Variants in ACLY observed in about 807,000 individuals in gnomAD.
ACLY encodes ATP-citrate synthase.
Under a neutral mutation model 133.0 loss-of-function variants are expected in ACLY, and 41 were observed. The ratio of observed to expected loss-of-function variants is 0.31; its 90% confidence interval spans 0.24 to 0.40. The LOEUF (loss-of-function observed/expected upper bound fraction) is 0.40. Ranked by LOEUF, ACLY falls within the 10% of genes least tolerant of loss-of-function variation. The pLI is 1.00. For synonymous variants in ACLY, 495 were observed against 549.3 expected (o/e 0.90, Z 1.38); for missense variants, 1,046 against 1,453.8 (o/e 0.72, Z 4.56).
intron 10 of ACLY, among the ~76,000 whole-genome samples, chr17:41,903,681 G>A (rs886657233): frequency 8.9e-5 from 12 of 135,508 alleles, no homozygotes; most frequent in East Asian, 4.5e-4. Flanking sequence ...GCATGAATCC[G>A]GGAGGCGGAG....
chr17:41,878,294 G>A, intron 21 of ACLY, 98 bp from the exon 22 acceptor site: 1 of 740,214 alleles, frequency 1.4e-6, no homozygotes. Context: ...AACACTGTAG[G>A]TTTCTTAGTT....
In ACLY at chr17:41,910,206, G is replaced by A; in HGVS notation, c.345+16C>T. ...CAGGAGGGAGAAGACCCAGCCTGGAGCCGCCTCACACATACCTGACTGTGG... is the reference window on the plus strand; with the variant it reads ...CAGGAGGGAGAAGACCCAGCCTGGAACCGCCTCACACATACCTGACTGTGG... On this transcript the variant is annotated intron_variant, in intron 4 of 28. Transcript: ENST00000352035. The A allele has an allele frequency of 6.2e-7, 1 of 1,612,160 alleles. No homozygotes were observed. Among genetic ancestry groups the A allele is most frequent in the Non-Finnish European group, 8.5e-7 (1 of 1,179,042 alleles).
chr17:41,890,969 C>T (rs1316879383), intron 16 of ACLY, among the ~76,000 whole-genome samples: 1 of 138,342 alleles, frequency 7.2e-6, no homozygotes, highest in East Asian at 2.1e-4. Flanking sequence ...GGCCCTGTCT[C>T]AAAAAAAAAA....
At chr17:41,868,642 AGT>A in intron 28 of ACLY, 65 bp downstream of exon 28, 1 of 1,127,336 alleles carries the variant, frequency 8.9e-7, no homozygotes, top group African/African-American at 1.6e-5. Context: ...CAACCCCATG[AGT>A]AAGTGGTGTA....
intron 20 of ACLY, among the ~76,000 whole-genome samples, chr17:41,880,407 T>G (rs1413722453): frequency 6.6e-6 from 1 of 152,182 alleles, no homozygotes; most frequent in Non-Finnish European, 1.5e-5. Flanking sequence ...AAGCGTGAGT[T>G]CCCAATGCGT....
chr17:41,908,387 G>A (rs1229579802), intron 6 of ACLY, among the ~76,000 whole-genome samples: 2 of 152,248 alleles, frequency 1.3e-5, no homozygotes, highest in Non-Finnish European at 2.9e-5. Context: ...GCCAAAGGGT[G>A]AGAGCAGTGC....
chr17:41,868,524 AGAAAG>A (rs1238578365), intron 28 of ACLY, among the ~76,000 whole-genome samples, 180 bp downstream of exon 28: 3 of 151,632 alleles, frequency 2.0e-5, no homozygotes, highest in Middle Eastern at 3.4e-3. Context: ...GGTTAAAGTA[AGAAAG>A]GAAAGATTAA....
At chr17:41,874,552 C>A (rs538407923) in intron 22 of ACLY, among the ~76,000 whole-genome samples, 1 of 150,464 alleles carries the variant, frequency 6.6e-6, no homozygotes, top group South Asian at 2.1e-4. Context: ...GGATTACAGG[C>A]GTGAGACCCA....
chr17:41,868,522 T>A (rs1010731799), intron 28 of ACLY, among the ~76,000 whole-genome samples, 187 bp downstream of exon 28: 8 of 130,980 alleles, frequency 6.1e-5, no homozygotes, highest in Non-Finnish European at 1.1e-4. Context: ...AAGGTTAAAG[T>A]AAGAAAGGAA....
At chr17:41,895,266 T>C (rs1484554659) in intron 14 of ACLY, among the ~76,000 whole-genome samples, 1 of 152,210 alleles carries the variant, frequency 6.6e-6, no homozygotes, top group Non-Finnish European at 1.5e-5. Context: ...GCCTGCATCA[T>C]GTCACCCCCG....
At chr17:41,876,330 G>T (rs1479286105) in intron 22 of ACLY, among the ~76,000 whole-genome samples, 1 of 151,158 alleles carries the variant, frequency 6.6e-6, no homozygotes, top group Non-Finnish European at 1.5e-5. Context: ...CCCCGTCCGG[G>T]AGGTGAGGGG....
chr17:41,867,758 T>C lies in ACLY; in HGVS notation c.*52A>G. 3 of 1,464,020 alleles carry C rather than the reference T, an allele frequency of 2.0e-6. No individual in the cohort carries two copies. Among genetic ancestry groups the C allele is most frequent in the East Asian group, 2.4e-5 (1 of 42,342 alleles). 90.7% of individuals were successfully genotyped at this position (1,464,020 alleles called of 1,614,324 possible). On this transcript the variant is annotated 3_prime_UTR_variant, in exon 29 of 29. Coordinates refer to ENST00000352035, the MANE Select transcript of ACLY (RefSeq NM_001096.3). ...CTGCCAGCTGTCTGTACACTTTTTC[T>C]TGGGGGAAGAGATCTTGTCTTCAGT...
At chr17:41,910,411 T>C (rs1462014790) in intron 3 of ACLY, 127 bp from the exon 4 acceptor site, 2 of 780,092 alleles carry the variant, frequency 2.6e-6, no homozygotes, top group Non-Finnish European at 2.1e-6. Context: ...GAGAGATTTT[T>C]CCAGAAAAAA....
intron 4 of ACLY, 98 bp downstream of exon 4, chr17:41,910,124 A>G (rs1317946516): frequency 5.6e-6 from 7 of 1,249,558 alleles, no homozygotes; most frequent in African/African-American, 1.5e-5. Flanking sequence ...GGTCCCTCTG[A>G]CTGTCCTCAT....
At chr17:41,889,435 C>T (rs531098064) in intron 16 of ACLY, among the ~76,000 whole-genome samples, 2 of 144,738 alleles carry the variant, frequency 1.4e-5, no homozygotes, top group African/African-American at 2.6e-5. Flanking sequence ...AGGAGAATTG[C>T]TTGAACCCGG....
At chr17:41,869,833 G>A (rs1220377244) in intron 25 of ACLY, among the ~76,000 whole-genome samples, 3 of 152,172 alleles carry the variant, frequency 2.0e-5, no homozygotes, top group Non-Finnish European at 4.4e-5. Flanking sequence ...TTGCAAAGAA[G>A]AAACTGAGCC....
intron 7 of ACLY, among the ~76,000 whole-genome samples, chr17:41,907,172 A>C (rs2144383830): frequency 6.6e-6 from 1 of 152,282 alleles, no homozygotes; most frequent in South Asian, 2.1e-4. Flanking sequence ...AAGGCGAGAC[A>C]CTTGGAATCA....
intron 18 of ACLY, 43 bp downstream of exon 18, chr17:41,886,069 C>T: frequency 6.3e-7 from 1 of 1,588,734 alleles, no homozygotes; most frequent in Non-Finnish European, 8.6e-7. Flanking sequence ...TAGCCCACTG[C>T]TCTCAAAGCA....
In ACLY at chr17:41,909,653, G is replaced by A. The variant is rs370436725; in HGVS notation, c.393C>T (p.Tyr131=). 30 of 1,614,048 alleles carry A rather than the reference G, an allele frequency of 1.9e-5. No individual in the cohort carries two copies. Among genetic ancestry groups the A allele is most frequent in the Non-Finnish European group, 2.3e-5 (27 of 1,180,034 alleles). The change falls in exon 5 of 29, where the codon TAC becomes TAT. Residue 131 remains tyrosine (Y), a synonymous_variant. Transcript: ENST00000352035. ...VCIYATREGD[Y]VLFHHEGGVD... is the part of the protein sequence containing the mutation. ...CACCCCCCTCGTGGTGGAACAGGAC[G>A]TAGTCCCCTTCTCGGGTGGCATAGA...
Sources: gnomAD v4.1 joint callset for allele counts (sites outside exome capture counted in the v4.1 genomes callset) on GRCh38, gnomAD v4.1.1 for gene constraint, MANE v1.5 for transcripts, NCBI Gene and HGNC (gene_info 2026-07-23, HGNC 2026-07-21) for gene names.